HDAC4: variants seen among roughly 807,000 people sequenced by gnomAD.
HDAC4 encodes the protein histone deacetylase 4, also known as histone deacetylase A.
A neutral mutation model predicts 135.1 loss-of-function variants in HDAC4; 16 were observed. That is an observed-to-expected ratio of 0.12 (90% confidence interval 0.08 to 0.18). The LOEUF (loss-of-function observed/expected upper bound fraction) is 0.18, where lower values mean the gene tolerates loss of function less well. Among genes scored for constraint, HDAC4 ranks in the 10% least tolerant of loss-of-function variants. The pLI is 1.00. For missense variants in HDAC4, 1,143 were observed against 1,511.8 expected (o/e 0.76, Z 4.05); for synonymous variants, 685 against 653.4 (o/e 1.05, Z -0.74).
chr2:239,347,618 G>A (rs982356496), intron 2 of HDAC4, among the ~76,000 whole-genome samples: 1 of 152,066 alleles, frequency 6.6e-6, no homozygotes, highest in Admixed American at 6.6e-5. Context: ...GGATTCAAGC[G>A]ATTCTCCTGC....
At chr2:239,236,098 A>C (rs1575487078) in intron 3 of HDAC4, among the ~76,000 whole-genome samples, 1 of 152,190 alleles carries the variant, frequency 6.6e-6, no homozygotes, top group Non-Finnish European at 1.5e-5. Context: ...ATTTCTGATC[A>C]CCACCGATAC....
chr2:239,086,951 C>G (rs143067237), intron 19 of HDAC4, among the ~76,000 whole-genome samples: 2 of 152,312 alleles, frequency 1.3e-5, no homozygotes, highest in East Asian at 3.9e-4. Flanking sequence ...ATTCACCACC[C>G]AGGCTGCAAG....
At chr2:239,106,904 TCCTGTCCAC>T (rs1283236748) in intron 15 of HDAC4, among the ~76,000 whole-genome samples, 5 of 152,104 alleles carry the variant, frequency 3.3e-5, no homozygotes, top group Non-Finnish European at 7.4e-5. Flanking sequence ...GTGTGGATGT[TCCTGTCCAC>T]CCTGTGCGCT....
chr2:239,282,578 C>A (rs1239011521), intron 2 of HDAC4, among the ~76,000 whole-genome samples: 1 of 150,034 alleles, frequency 6.7e-6, no homozygotes, highest in Non-Finnish European at 1.5e-5. Flanking sequence ...ATGAACACAC[C>A]ACTCTACAAT....
At chr2:239,312,067 A>C (rs1170375824) in intron 2 of HDAC4, among the ~76,000 whole-genome samples, 1 of 152,156 alleles carries the variant, frequency 6.6e-6, no homozygotes, top group African/African-American at 2.4e-5. Context: ...ATCACACCAG[A>C]TCATCTCAGT....
chr2:239,144,847 G>C lies in HDAC4; in HGVS notation c.734-133C>G, dbSNP rs1035489127. ...AACACTGCTGTGTTGCTGCAGGGGAGAGCGCAGGGAGCTCACGAAGCAGGG... is the reference window on the plus strand; with the variant it reads ...AACACTGCTGTGTTGCTGCAGGGGACAGCGCAGGGAGCTCACGAAGCAGGG... On this transcript the variant is annotated intron_variant, in intron 7 of 26. Coordinates refer to ENST00000543185, the MANE Select transcript of HDAC4 (RefSeq NM_001378414.1). 7.0e-6 allele frequency: 6 copies of C among 851,184 alleles called. No homozygotes were observed. In the Admixed American group the frequency reaches 1.2e-4, roughly 17 times the overall value. The allele number at this position is 851,184 out of a possible 1,614,324, so 52.7% of individuals were successfully genotyped here.
At chr2:239,100,479 G>A (rs1291756594) in intron 16 of HDAC4, among the ~76,000 whole-genome samples, 8 of 152,178 alleles carry the variant, frequency 5.3e-5, no homozygotes, top group African/African-American at 1.9e-4. Context: ...CCTCTCTGAG[G>A]GTGCTAATGG....
At chr2:239,121,500 T>A (rs2039687979) in intron 12 of HDAC4, among the ~76,000 whole-genome samples, 1 of 152,224 alleles carries the variant, frequency 6.6e-6, no homozygotes, top group Non-Finnish European at 1.5e-5. Flanking sequence ...GGCTCTTGGA[T>A]GGCCCTTCCC....
rs1641753015 is a variant in HDAC4 at position 239,232,995 on chromosome 2, C to A, written c.94+3598G>T. ...CTTCCCCTCAGCAAGCAGACAACAA[C>A]TCCCAGGAAGGGGGAAGAGCAAAGC... On this transcript the variant is annotated intron_variant, in intron 3 of 26. Transcript: ENST00000543185. 1.3e-5 allele frequency among the ~76,000 whole-genome samples: 2 copies of A among 152,248 alleles called. 1 individual carries two copies. The highest frequency in any genetic ancestry group is 2.9e-5 in the Non-Finnish European group (2 of 68,046).
At chr2:239,095,449 C>T (rs543403648) in intron 16 of HDAC4, among the ~76,000 whole-genome samples, 1 of 152,316 alleles carries the variant, frequency 6.6e-6, no homozygotes, top group South Asian at 2.1e-4. Context: ...CCTGGCTCCT[C>T]AGTGAGCTCC....
At chr2:239,234,906 C>A (rs140975107) in intron 3 of HDAC4, among the ~76,000 whole-genome samples, 146 of 152,262 alleles carry the variant, frequency 9.6e-4, no homozygotes, top group African/African-American at 3.5e-3. Flanking sequence ...ATCCTCTTAC[C>A]CTCGTGCCAC....
rs2152951371 is a variant in HDAC4 at position 239,156,730 on chromosome 2, T to G, written c.655A>C (p.Ser219Arg). 1 of 1,614,136 alleles carries G rather than the reference T, an allele frequency of 6.2e-7. No individual in the cohort carries two copies. The highest frequency in any genetic ancestry group is 1.7e-5 in the Admixed American group (1 of 60,026). Residue 219 changes from serine (S) to arginine (R), a missense_variant, in exon 7 of 27, where the codon AGC becomes CGC. Transcript: ENST00000543185. ...SSLDQSSPPQ[S>R]GVSTSYNHPV... ...TGGTTATAGGAGGTCGACACTCCGC[T>G]CTGGGGTGGAGAACTCTGGTCAAGG...
At chr2:239,160,759 T>C (rs1382351474) in intron 6 of HDAC4, among the ~76,000 whole-genome samples, 1 of 152,244 alleles carries the variant, frequency 6.6e-6, no homozygotes, top group African/African-American at 2.4e-5. Context: ...TTTCCACTGT[T>C]TGGTGACTGT....
chr2:239,374,385 G>GTTTT, intron 1 of HDAC4, among the ~76,000 whole-genome samples: 1 of 92,590 alleles, frequency 1.1e-5, no homozygotes. Context: ...AGAAAACAAG[G>GTTTT]CTTTTTTTTT....
intron 2 of HDAC4, among the ~76,000 whole-genome samples, chr2:239,317,882 T>C (rs2053171997): frequency 6.6e-6 from 1 of 151,978 alleles, no homozygotes; most frequent in Non-Finnish European, 1.5e-5. Context: ...TAAAAGTCAG[T>C]TTCCAAGAAC....
chr2:239,367,255 G>A (rs758100135), intron 1 of HDAC4, among the ~76,000 whole-genome samples: 9 of 152,144 alleles, frequency 5.9e-5, no homozygotes, highest in Non-Finnish European at 1.3e-4. Context: ...TGGACTGAAC[G>A]AGAGCCGGTG....
intron 2 of HDAC4, among the ~76,000 whole-genome samples, chr2:239,247,011 C>T (rs375367185): frequency 2.6e-5 from 4 of 152,224 alleles, no homozygotes; most frequent in Admixed American, 6.5e-5. Flanking sequence ...CAAATAGGAA[C>T]GCTGCAAAAC....
At chr2:239,055,931 C>T (rs56370384) in intron 24 of HDAC4, among the ~76,000 whole-genome samples, 8,059 of 152,182 alleles carry the variant, frequency 0.053, 249 homozygotes, top group South Asian at 0.11. Flanking sequence ...CAGGACAGGA[C>T]GGGTGAGCGA....
intron 2 of HDAC4, among the ~76,000 whole-genome samples, chr2:239,263,649 C>T (rs114484553): frequency 2.0e-5 from 3 of 152,240 alleles, no homozygotes; most frequent in African/African-American, 7.2e-5. Flanking sequence ...TAGAAGGACA[C>T]GGGAGAGAAG....
Sources: allele counts gnomAD v4.1 joint callset (sites outside exome capture counted in the v4.1 genomes callset), GRCh38; gene constraint gnomAD v4.1.1; transcripts MANE v1.5; gene names NCBI Gene and HGNC (gene_info 2026-07-23, HGNC 2026-07-21).